Variants in ATP5F1E observed in about 807,000 individuals in gnomAD.
ATP5F1E encodes the protein ATP synthase F1 subunit epsilon.
A neutral mutation model predicts 7.0 loss-of-function variants in ATP5F1E; 5 were observed. The ratio of observed to expected loss-of-function variants is 0.71; its 90% CI spans 0.37 to 1.49. The LOEUF is 1.49. Ranked by LOEUF, ATP5F1E falls within the 40% of genes most tolerant of loss-of-function variation. ATP5F1E has a pLI of 0.03. For synonymous variants in ATP5F1E, 20 were observed against 20.1 expected (o/e 0.99, Z 0.02); for missense variants, 59 against 57.1 (o/e 1.03, Z -0.11).
chr20:59,030,929 T>C (rs1366052277), intron 1 of ATP5F1E, among the ~76,000 whole-genome samples: 2 of 152,252 alleles, frequency 1.3e-5, no homozygotes, highest in African/African-American at 4.8e-5. Context: ...TACTGAATTC[T>C]GTCTCACAAG....
rs767028450 is a variant in ATP5F1E, at chr20:59,032,293, C to A, written c.-42G>T. ...AGCTCGTCGGGCCGAATCGCCAAGA[C>A]GCCGGCAATGTCGGCTCAGCCGGGC... On this transcript the variant is annotated 5_prime_UTR_variant, in exon 1 of 3. Transcript: ENST00000243997. The A allele has an allele frequency of 8.8e-6, 14 of 1,589,608 alleles. No individual in the cohort carries two copies. In the Admixed American group the frequency reaches 1.6e-4, roughly 18 times the overall value.
chr20:59,025,543 TTAC>T lies in ATP5F1E; in HGVS notation c.*3299_*3301del, dbSNP rs1302145652. 1 of 152,280 alleles carries T rather than the reference TTAC, an allele frequency of 6.6e-6. No individual in the cohort carries two copies. Among genetic ancestry groups the T allele is most frequent in the Non-Finnish European group, 1.5e-5 (1 of 68,058 alleles). The allele number at this position is 152,280 out of a possible 1,614,324, so 9.4% of individuals were successfully genotyped here. A position where few individuals can be genotyped will look rare whatever the true frequency, so the allele number is the denominator to read the frequency against. The stretch of plus-strand genomic sequence containing the variant: ...TATATGTTTATATAGTTTAAATTTC[TTAC>T]TACTGTTAGATCCCAGGAATTCATT... On this transcript the variant is annotated 3_prime_UTR_variant, in exon 3 of 3. Transcript: ENST00000243997.
chr20:59,030,574 T>C (rs971970241), intron 1 of ATP5F1E, 145 bp from the exon 2 acceptor site: 2 of 989,280 alleles, frequency 2.0e-6, no homozygotes, highest in Non-Finnish European at 3.1e-6. Flanking sequence ...ATATGACTAA[T>C]GCCAAAAAGT....
intron 2 of ATP5F1E, chr20:59,029,427 G>C (rs552319256): frequency 1.3e-5 from 2 of 152,332 alleles, no homozygotes; most frequent in Non-Finnish European, 2.9e-5. Flanking sequence ...AATGAAAAGT[G>C]CTTAGGGGAG....
Position 59,032,320 on chromosome 20 carries a change from G to T in ATP5F1E, c.-69C>A. ...CCGGCAATGTCGGCTCAGCCGGGCG[G>T]TTCAGCCGCAGGAAGATCAGACCAC... On this transcript the variant is annotated 5_prime_UTR_variant, in exon 1 of 3. Coordinates refer to ENST00000243997, the MANE Select transcript of ATP5F1E (RefSeq NM_006886.4). 1.3e-6 allele frequency: 2 copies of T among 1,560,122 alleles called. No homozygotes were observed. The highest frequency in any genetic ancestry group is 1.2e-5 in the South Asian group (1 of 85,236).
At chr20:59,030,118 CTTTCTT>C in intron 2 of ATP5F1E, 179 bp downstream of exon 2, 1 of 618,498 alleles carries the variant, frequency 1.6e-6, no homozygotes, top group Non-Finnish European at 2.6e-6. Flanking sequence ...CCCAAGAAGA[CTTTCTT>C]TTTATTAGGC....
At position 59,026,143 on chromosome 20, in the gene ATP5F1E, A is replaced by T. The variant is rs1445132510; in HGVS notation, c.*2702T>A. 1 of 152,252 alleles carries T rather than the reference A, an allele frequency of 6.6e-6. No homozygotes were observed. Among genetic ancestry groups the T allele is most frequent in the East Asian group, 1.9e-4 (1 of 5,198 alleles). 9.4% of individuals were successfully genotyped at this position (152,252 alleles called of 1,614,324 possible). The stretch of plus-strand genomic sequence containing the variant: ...TTGTAATCAGCAATAATAAAATAGC[A>T]GGTAGATGGATGACAGTTGCTCATT... On this transcript the variant is annotated 3_prime_UTR_variant, in exon 3 of 3. Transcript: ENST00000243997.
rs182970877 is a variant in ATP5F1E, at chr20:59,030,783, G to C, written c.33-354C>G. On this transcript the variant is annotated intron_variant, in intron 1 of 2. Transcript: ENST00000243997. Reference sequence around the variant, plus strand: ...CTGAAATGTTTAGAGACTATAACATGAATCATGAATTCTCTCCTCGATTTC... The same window carrying C: ...CTGAAATGTTTAGAGACTATAACATCAATCATGAATTCTCTCCTCGATTTC... Among the ~76,000 whole-genome samples, 301 of 152,278 alleles carry C rather than the reference G, an allele frequency of 2.0e-3. 1 individual carries two copies. Among genetic ancestry groups the C allele is most frequent in the Non-Finnish European group, 3.2e-3 (217 of 68,010 alleles).
chr20:59,032,125 G>A (rs1252536627), intron 1 of ATP5F1E, 95 bp downstream of exon 1: 8 of 1,508,658 alleles, frequency 5.3e-6, no homozygotes, highest in Non-Finnish European at 7.2e-6. Context: ...CCGGTCACGC[G>A]TGGGGCCGCT....
In ATP5F1E at chr20:59,026,365, A is replaced by G. The variant is rs1337370087; in HGVS notation, c.*2480T>C. ...CTAGATTTAGTAAGAAACTCTACCT[A>G]TATACTTAGTTTGAAGTTAGTAACT... On this transcript the variant is annotated 3_prime_UTR_variant, in exon 3 of 3. Coordinates refer to ENST00000243997, the MANE Select transcript of ATP5F1E (RefSeq NM_006886.4). The G allele has an allele frequency of 6.6e-6, 1 of 152,162 alleles. No homozygotes were observed. Among genetic ancestry groups the G allele is most frequent in the East Asian group, 1.9e-4 (1 of 5,196 alleles). 9.4% of individuals were successfully genotyped at this position (152,162 alleles called of 1,614,324 possible).
At position 59,027,316 on chromosome 20, in the gene ATP5F1E, A is replaced by G. The variant is rs1043411352; in HGVS notation, c.*1529T>C. The G allele has an allele frequency of 6.6e-6, 1 of 152,020 alleles. No individual in the cohort carries two copies. The highest frequency in any genetic ancestry group is 1.9e-4 in the East Asian group (1 of 5,188). 9.4% of individuals were successfully genotyped at this position (152,020 alleles called of 1,614,324 possible). A position where few individuals can be genotyped will look rare whatever the true frequency, so the allele number is the denominator to read the frequency against. ...TACCATATACCAATAATCTGCCAAT[A>G]TACTACCAATCTACCATACCATCTA... On this transcript the variant is annotated 3_prime_UTR_variant, in exon 3 of 3. Transcript: ENST00000243997.
At chr20:59,031,258 C>T (rs912203261) in intron 1 of ATP5F1E, among the ~76,000 whole-genome samples, 1 of 152,152 alleles carries the variant, frequency 6.6e-6, no homozygotes, top group African/African-American at 2.4e-5. Context: ...TACTCACTCA[C>T]CTGAAAAAAA....
In ATP5F1E at chr20:59,026,104, C is replaced by G. The variant is rs2091993061; in HGVS notation, c.*2741G>C. 6.6e-6 allele frequency: 1 copy of G among 152,196 alleles called. No homozygotes were observed. The highest frequency in any genetic ancestry group is 1.5e-5 in the Non-Finnish European group (1 of 68,046). The allele number at this position is 152,196 out of a possible 1,614,324, so 9.4% of individuals were successfully genotyped here. ...TACTTGCAGGCAACTGGGTTCTCAT[C>G]TCTTGATTTGCTTTTGTAATCAGCA... On this transcript the variant is annotated 3_prime_UTR_variant, in exon 3 of 3. Coordinates refer to ENST00000243997, the MANE Select transcript of ATP5F1E (RefSeq NM_006886.4).
rs1013846797 is a variant in ATP5F1E at position 59,025,663 on chromosome 20, T to C, written c.*3182A>G. The C allele has an allele frequency of 1.3e-5, 2 of 152,264 alleles. No homozygotes were observed. The highest frequency in any genetic ancestry group is 4.8e-5 in the African/African-American group (2 of 41,466). The allele number at this position is 152,264 out of a possible 1,614,324, so 9.4% of individuals were successfully genotyped here. A position where few individuals can be genotyped will look rare whatever the true frequency, so the allele number is the denominator to read the frequency against. On this transcript the variant is annotated 3_prime_UTR_variant, in exon 3 of 3. Coordinates refer to ENST00000243997, the MANE Select transcript of ATP5F1E (RefSeq NM_006886.4). ...TCACCCCCCAAAATGCTCTGCAGCC[T>C]CTCTGCTCTTTGAGAAAGGGCACAC...
chr20:59,031,567 C>T (rs2092029931), intron 1 of ATP5F1E, among the ~76,000 whole-genome samples: 1 of 152,168 alleles, frequency 6.6e-6, no homozygotes, highest in Non-Finnish European at 1.5e-5. Context: ...AAAAAAAAAT[C>T]GGATGTGACA....
In ATP5F1E at chr20:59,030,309, T is replaced by C. The variant is rs1218802473; in HGVS notation, c.153A>G (p.Glu51=). The C allele has an allele frequency of 5.0e-6, 8 of 1,613,550 alleles. No individual in the cohort carries two copies. In the African/African-American group the frequency reaches 6.7e-5, roughly 13 times the overall value. The part of the protein sequence containing the change: ...SNVKIVKVKK[E] ...AAATAAATCCATAACTTACAGATTA[T>C]TCCTTCTTTACTTTCACAATTTTTA... is the stretch of plus-strand genomic sequence containing the variant. Residue 51 remains glutamate (E), a synonymous_variant, in exon 2 of 3, where the codon GAA becomes GAG. Transcript: ENST00000243997.
rs1269906139 is a variant in ATP5F1E at position 59,026,712 on chromosome 20, C to G, written c.*2133G>C. On this transcript the variant is annotated 3_prime_UTR_variant, in exon 3 of 3. Coordinates refer to ENST00000243997, the MANE Select transcript of ATP5F1E (RefSeq NM_006886.4). ...AATGCATCTCACCATCCTACTCTTT[C>G]GTATGGTAGAAATAGATGTAAAAAC... 1.3e-5 allele frequency: 2 copies of G among 152,194 alleles called. No individual in the cohort carries two copies. Among genetic ancestry groups the G allele is most frequent in the Non-Finnish European group, 2.9e-5 (2 of 68,032 alleles). The allele number at this position is 152,194 out of a possible 1,614,324, so 9.4% of individuals were successfully genotyped here.
chr20:59,029,625 A>G (rs2092013312), intron 2 of ATP5F1E: 1 of 152,296 alleles, frequency 6.6e-6, no homozygotes, highest in East Asian at 1.9e-4. Context: ...AGTACTTTAG[A>G]GATCAAACCA....
chr20:59,030,554 G>A, intron 1 of ATP5F1E, 125 bp from the exon 2 acceptor site: 1 of 1,266,544 alleles, frequency 7.9e-7, no homozygotes, highest in Admixed American at 1.9e-5. Context: ...TTGTAGAATT[G>A]GATTTAAAAA....
Sources: allele counts gnomAD v4.1 joint callset (sites outside exome capture counted in the v4.1 genomes callset), GRCh38; gene constraint gnomAD v4.1.1; transcripts MANE v1.5; gene names NCBI Gene and HGNC (gene_info 2026-07-23, HGNC 2026-07-21).